The following AKT3 variants were observed in gnomAD, a reference collection of about 807,000 sequenced individuals.
AKT3 encodes the protein RAC-gamma serine/threonine-protein kinase.
A neutral mutation model predicts 65.3 loss-of-function variants in AKT3; 15 were observed. The ratio of observed to expected loss-of-function variants is 0.23; its 90% CI spans 0.15 to 0.35. AKT3 has a LOEUF of 0.35. Among genes scored for constraint, AKT3 ranks in the 10% least tolerant of loss-of-function variants. The pLI is 1.00. For missense variants in AKT3, 243 were observed against 576.5 expected (o/e 0.42, Z 5.92); for synonymous variants, 206 against 183.8 (o/e 1.12, Z -0.98).
rs866558540 is a variant in AKT3, at chr1:243,647,323, C to T, written c.285-1286G>A. The stretch of plus-strand genomic sequence containing the variant: ...TTAGATACATAAATACTTACCATTG[C>T]ATTACAATTGTCTATAGTATTCAGT... On this transcript the variant is annotated intron_variant, in intron 4 of 13. Coordinates refer to ENST00000673466, the MANE Select transcript of AKT3 (RefSeq NM_005465.7). Among the ~76,000 whole-genome samples the T allele has an allele frequency of 7.2e-5, 11 of 152,260 alleles. No homozygotes were observed. The Middle Eastern group carries it at 0.01, about 141-fold the overall frequency.
chr1:243,523,398 C>G (rs1466871425), intron 12 of AKT3, among the ~76,000 whole-genome samples: 1 of 151,994 alleles, frequency 6.6e-6, no homozygotes, highest in African/African-American at 2.4e-5. Flanking sequence ...AAAGAAATCA[C>G]AAGTAGTACT....
At chr1:243,630,679 A>C (rs1328311114) in intron 6 of AKT3, among the ~76,000 whole-genome samples, 1 of 152,096 alleles carries the variant, frequency 6.6e-6, no homozygotes, top group Non-Finnish European at 1.5e-5. Context: ...TTAAAAAAAA[A>C]ATTATAACAT....
intron 4 of AKT3, among the ~76,000 whole-genome samples, chr1:243,647,825 C>A (rs1680955719): frequency 6.6e-6 from 1 of 152,230 alleles, no homozygotes; most frequent in African/African-American, 2.4e-5. Flanking sequence ...CTTTGTTTCA[C>A]AAGTTAGGAA....
At chr1:243,594,986 A>T (rs1393368196) in intron 8 of AKT3, among the ~76,000 whole-genome samples, 7 of 152,236 alleles carry the variant, frequency 4.6e-5, no homozygotes, top group Non-Finnish European at 1.0e-4. Context: ...ATTAAAATGG[A>T]TCACAGACCT....
At chr1:243,696,534 T>C (rs1281180429) in intron 2 of AKT3, among the ~76,000 whole-genome samples, 1 of 152,016 alleles carries the variant, frequency 6.6e-6, no homozygotes, top group African/African-American at 2.4e-5. Flanking sequence ...GCTAGAAGGC[T>C]ATCTGGTATT....
intron 8 of AKT3, among the ~76,000 whole-genome samples, chr1:243,598,638 C>G (rs1676799220): frequency 6.6e-6 from 1 of 152,148 alleles, no homozygotes; most frequent in South Asian, 2.1e-4. Flanking sequence ...CAGCCGTGCC[C>G]TAAAGTCTCA....
At chr1:243,738,513 A>C (rs1687968242) in intron 2 of AKT3, among the ~76,000 whole-genome samples, 1 of 152,218 alleles carries the variant, frequency 6.6e-6, no homozygotes, top group South Asian at 2.1e-4. Flanking sequence ...TAAATAAAGT[A>C]CTTGTTCTTT....
intron 2 of AKT3, among the ~76,000 whole-genome samples, chr1:243,830,376 G>C (rs1197188807): frequency 6.6e-6 from 1 of 152,124 alleles, no homozygotes; most frequent in Non-Finnish European, 1.5e-5. Flanking sequence ...GTGGATACTG[G>C]GGGACAACTG....
chr1:243,768,564 G>A (rs1448390244), intron 2 of AKT3, among the ~76,000 whole-genome samples: 2 of 152,160 alleles, frequency 1.3e-5, no homozygotes, highest in Non-Finnish European at 2.9e-5. Context: ...TAGGCCGGGC[G>A]TGGTGGCTCA....
At chr1:243,632,003 C>T (rs1285298289) in intron 6 of AKT3, among the ~76,000 whole-genome samples, 1 of 152,188 alleles carries the variant, frequency 6.6e-6, no homozygotes, top group Non-Finnish European at 1.5e-5. Context: ...CCCTCAAACT[C>T]ATCCATGAAG....
intron 3 of AKT3, among the ~76,000 whole-genome samples, chr1:243,693,210 G>T (rs1684813192): frequency 8.7e-6 from 1 of 114,606 alleles, no homozygotes; most frequent in African/African-American, 3.2e-5. Context: ...AGAAAAATGA[G>T]GGATATATAT....
chr1:243,532,238 T>C (rs1671588714), intron 12 of AKT3, among the ~76,000 whole-genome samples: 1 of 152,226 alleles, frequency 6.6e-6, no homozygotes, highest in Non-Finnish European at 1.5e-5. Flanking sequence ...TAATGTGAGC[T>C]GAGGGTTTTC....
rs755272323 is a variant in AKT3 at position 243,525,768 on chromosome 1, TAAGAAAGAAAGA to T, written c.1252-13354_1252-13343del. On this transcript the variant is annotated intron_variant, in intron 12 of 13. Coordinates refer to ENST00000673466, the MANE Select transcript of AKT3 (RefSeq NM_005465.7). ...ATACCTGTTGGACAACTTCCAAAAGTAAGAAAGAAAGAAAGAAAGAAAGAAAGAAAGAAAGAG... is the reference window on the plus strand; with the variant it reads ...ATACCTGTTGGACAACTTCCAAAAGTAAGAAAGAAAGAAAGAAAGAAAGAG... 9.2e-3 allele frequency among the ~76,000 whole-genome samples: 38 copies of T among 4,144 alleles called. 1 individual carries two copies. The highest frequency in any genetic ancestry group is 0.025 in the African/African-American group (33 of 1,296). 2.7% of individuals were successfully genotyped at this position (4,144 alleles called of 152,430 possible).
chr1:243,843,553 AG>A (rs1391761008), intron 1 of AKT3: 25 of 1,042,754 alleles, frequency 2.4e-5, no homozygotes, highest in Non-Finnish European at 2.8e-5. Context: ...CCCAAATAAT[AG>A]AGAAAATTTG....
At chr1:243,662,789 T>A (rs376159363) in intron 4 of AKT3, among the ~76,000 whole-genome samples, 1 of 152,152 alleles carries the variant, frequency 6.6e-6, no homozygotes, top group African/African-American at 2.4e-5. Context: ...TAGAGGTATA[T>A]AGAAATGCAC....
At chr1:243,513,513 T>A (rs1187868968) in intron 12 of AKT3, among the ~76,000 whole-genome samples, 1 of 152,230 alleles carries the variant, frequency 6.6e-6, no homozygotes, top group Non-Finnish European at 1.5e-5. Flanking sequence ...AAATGTATGT[T>A]AAATAATAAG....
At chr1:243,566,079 A>T (rs974090837) in intron 9 of AKT3, among the ~76,000 whole-genome samples, 32 of 152,188 alleles carry the variant, frequency 2.1e-4, no homozygotes, top group Non-Finnish European at 3.2e-4. Flanking sequence ...GTCTTCATGG[A>T]AACATGACAG....
chr1:243,761,408 ACTGT>A (rs1689483390), intron 2 of AKT3, among the ~76,000 whole-genome samples: 1 of 152,196 alleles, frequency 6.6e-6, no homozygotes, highest in African/African-American at 2.4e-5. Flanking sequence ...CTGACCTAGA[ACTGT>A]CTTACTCAGT....
At chr1:243,796,671 A>G (rs1446294238) in intron 2 of AKT3, among the ~76,000 whole-genome samples, 1 of 152,100 alleles carries the variant, frequency 6.6e-6, no homozygotes, top group Non-Finnish European at 1.5e-5. Context: ...GCCTTTGCAC[A>G]TGTTCTTTCC....
Sources: gnomAD v4.1 joint callset for allele counts (sites outside exome capture counted in the v4.1 genomes callset) on GRCh38, gnomAD v4.1.1 for gene constraint, MANE v1.5 for transcripts, NCBI Gene and HGNC (gene_info 2026-07-23, HGNC 2026-07-21) for gene names.